HERC2: variants seen among roughly 807,000 people sequenced by gnomAD.
The protein encoded by HERC2 is E3 ubiquitin-protein ligase HERC2.
HERC2 carries 102 observed loss-of-function variants against 537.7 expected under a neutral mutation model. The observed-to-expected ratio is 0.19, with a 90% CI of 0.16 to 0.22. The LOEUF (loss-of-function observed/expected upper bound fraction) is 0.22. HERC2 is among the 10% of genes least tolerant of loss of function. The pLI, the probability that HERC2 is intolerant of heterozygous loss-of-function variation, is 1.00. For missense variants in HERC2, 4,236 were observed against 6,198.2 expected (o/e 0.68, Z 10.63); for synonymous variants, 2,224 against 2,466.2 (o/e 0.90, Z 2.91).
At chr15:28,264,096 A>G (rs1024655220) in intron 14 of HERC2, among the ~76,000 whole-genome samples, 7 of 152,110 alleles carry the variant, frequency 4.6e-5, no homozygotes, top group Admixed American at 2.0e-4. Context: ...AAAGATCAGG[A>G]AAAAGAAACC....
At chr15:28,241,803 GAGCA>G (rs1903154013) in intron 23 of HERC2, among the ~76,000 whole-genome samples, 1 of 152,156 alleles carries the variant, frequency 6.6e-6, no homozygotes, top group Non-Finnish European at 1.5e-5. Context: ...CTGGGCGACA[GAGCA>G]AGACTCTGTC....
chr15:28,274,663 C>T (rs1019181819), intron 6 of HERC2, among the ~76,000 whole-genome samples: 1 of 152,194 alleles, frequency 6.6e-6, no homozygotes, highest in South Asian at 2.1e-4. Context: ...AGTCTGTACT[C>T]AGGTGTTCCA....
At chr15:28,246,982 A>G in intron 21 of HERC2, 85 bp from the exon 22 acceptor site, 1 of 1,123,370 alleles carries the variant, frequency 8.9e-7, no homozygotes, top group Non-Finnish European at 1.3e-6. Context: ...TGCTATTCTC[A>G]TCTACACATC....
At chr15:28,275,358 G>A (rs370349654) in intron 5 of HERC2, among the ~76,000 whole-genome samples, 27 of 152,328 alleles carry the variant, frequency 1.8e-4, no homozygotes, top group Middle Eastern at 3.4e-3. Flanking sequence ...AGACCAGGCC[G>A]GAGAAGAGCT....
At chr15:28,147,422 A>G (rs1891866533) in intron 70 of HERC2, among the ~76,000 whole-genome samples, 1 of 152,082 alleles carries the variant, frequency 6.6e-6, no homozygotes, top group Non-Finnish European at 1.5e-5. Flanking sequence ...TGAGCTCAGG[A>G]GTTAAAGACA....
At position 28,279,615 on chromosome 15, in the gene HERC2, CCACACACACACACACACA is replaced by C. The variant is rs58447102; in HGVS notation, c.542+435_542+452del. Among the ~76,000 whole-genome samples the C allele has an allele frequency of 2.5e-4, 35 of 141,682 alleles. No homozygotes were observed. In the East Asian group the frequency reaches 3.3e-3, roughly 13 times the overall value. The allele number at this position is 141,682 out of a possible 152,430, so 92.9% of individuals were successfully genotyped here. ...TGAGGCCAGGAGCAAGACCCCATCT[CCACACACACACACACACA>C]CACACACACACACACACAAATTGTT... is the stretch of plus-strand genomic sequence containing the variant. On this transcript the variant is annotated intron_variant, in intron 5 of 92. Transcript: ENST00000261609.
Position 28,254,525 on chromosome 15 carries a change from T to A in HERC2, c.2872-7A>T, listed in dbSNP as rs746326041. The A allele has an allele frequency of 6.4e-7, 1 of 1,574,442 alleles. No individual in the cohort carries two copies. The highest frequency in any genetic ancestry group is 1.2e-5 in the South Asian group (1 of 85,394). ...CTTTTTTGGCTTCAATATCCTGTAA[T>A]TCATAAAAAGAAATTGTTTACAAGT... On this transcript the variant is annotated splice_region_variant and splice_polypyrimidine_tract_variant and intron_variant, in intron 19 of 92. Coordinates refer to ENST00000261609, the MANE Select transcript of HERC2 (RefSeq NM_004667.6).
At chr15:28,134,884 G>T (rs1330340994) in intron 79 of HERC2, among the ~76,000 whole-genome samples, 1 of 151,808 alleles carries the variant, frequency 6.6e-6, no homozygotes, top group Non-Finnish European at 1.5e-5. Context: ...TATTGCCCAG[G>T]CTAGTCTTGA....
rs529602580 is a variant in HERC2 at position 28,235,050 on chromosome 15, T to C, written c.4004-766A>G. ...GTTAATTACAACTGCTTATGGCAAC[T>C]TGAGGGAGTGCACCACTACAGATCT... is the stretch of plus-strand genomic sequence containing the variant. On this transcript the variant is annotated intron_variant, in intron 26 of 92. Transcript: ENST00000261609. Among the ~76,000 whole-genome samples, 77 of 152,196 alleles carry C rather than the reference T, an allele frequency of 5.1e-4. No individual in the cohort carries two copies. The East Asian group carries it at 0.01, about 21-fold the overall frequency.
chr15:28,222,716 A>G (rs1252859585), intron 35 of HERC2, among the ~76,000 whole-genome samples: 2 of 151,942 alleles, frequency 1.3e-5, no homozygotes, highest in Non-Finnish European at 2.9e-5. Flanking sequence ...TTCCCTAGGT[A>G]GTAGGTGTGG....
Position 28,113,754 on chromosome 15 carries a change from T to C in HERC2, c.13914-76A>G, listed in dbSNP as rs878952567. 2 of 1,207,276 alleles carry C rather than the reference T, an allele frequency of 1.7e-6. No individual in the cohort carries two copies. The highest frequency in any genetic ancestry group is 2.5e-5 in the South Asian group (2 of 78,946). The allele number at this position is 1,207,276 out of a possible 1,614,324, so 74.8% of individuals were successfully genotyped here. A position where few individuals can be genotyped will look rare whatever the true frequency, so the allele number is the denominator to read the frequency against. On this transcript the variant is annotated intron_variant, in intron 90 of 92. Transcript: ENST00000261609. This position sits in a 1 kb window ranked among gnomAD's most constrained non-coding sequence, Gnocchi z 7.0. ...ATGCTGCTCACACCAAGCCTTGGCA[T>C]GCAGCACTGTGGCCGCACACGTCCC...
chr15:28,253,945 G>A (rs866157125), intron 20 of HERC2, among the ~76,000 whole-genome samples: 4 of 151,402 alleles, frequency 2.6e-5, no homozygotes, highest in Middle Eastern at 7.0e-3. Flanking sequence ...CTGGGCAATA[G>A]AGCGAGATTC....
chr15:28,142,106 C>G (rs1176292000), intron 76 of HERC2, 132 bp downstream of exon 76: 13 of 947,400 alleles, frequency 1.4e-5, no homozygotes, highest in Non-Finnish European at 1.9e-5. Flanking sequence ...TCATTTTCAC[C>G]TATGTGTTAT....
At chr15:28,141,214 G>C (rs1365097476) in intron 78 of HERC2, among the ~76,000 whole-genome samples, 2 of 151,900 alleles carry the variant, frequency 1.3e-5, no homozygotes, top group African/African-American at 4.8e-5. Context: ...CTCCAGCCTG[G>C]GCAACAAGAG....
In HERC2 at chr15:28,148,029, T is replaced by A. The variant is rs865956707; in HGVS notation, c.10901-1685A>T. ...TTCAGCCTGGGTGACAGAGCAAGAC[T>A]GTGTCTCCAAAAAAAAAAAAAAGAA... On this transcript the variant is annotated intron_variant, in intron 70 of 92. Transcript: ENST00000261609. Among the ~76,000 whole-genome samples the A allele has an allele frequency of 2.0e-5, 3 of 146,978 alleles. No homozygotes were observed. The South Asian group carries it at 6.5e-4, about 32-fold the overall frequency.
intron 68 of HERC2, 90 bp downstream of exon 68, chr15:28,167,597 G>T: frequency 6.7e-7 from 1 of 1,484,342 alleles, no homozygotes. Flanking sequence ...GATAGGAATA[G>T]ACTGTGTTCC....
In HERC2 at chr15:28,134,547, G is replaced by A. The variant is rs554372262; in HGVS notation, c.12230+931C>T. Reference sequence around the variant, plus strand: ...CATCCTTGCCTTGATCCTCAACTCAGGGGGAAAGCTTTTGGTCTGTTGCCA... The same window carrying A: ...CATCCTTGCCTTGATCCTCAACTCAAGGGGAAAGCTTTTGGTCTGTTGCCA... On this transcript the variant is annotated intron_variant, in intron 79 of 92. Transcript: ENST00000261609. 8.5e-5 allele frequency among the ~76,000 whole-genome samples: 13 copies of A among 152,236 alleles called. 1 individual carries two copies. The Middle Eastern group carries it at 0.014, about 162-fold the overall frequency.
At chr15:28,151,709 G>C (rs1892471749) in intron 70 of HERC2, among the ~76,000 whole-genome samples, 1 of 150,964 alleles carries the variant, frequency 6.6e-6, no homozygotes, top group South Asian at 2.1e-4. Flanking sequence ...CTTCAACAAA[G>C]ATAATAACAA....
chr15:28,176,438 C>G lies in HERC2; in HGVS notation c.9676G>C (p.Val3226Leu). ...FSLALTKSGV[V>L]WTWGKGDYFR... ...AGGACGTTTACGTACCATGTCCACA[C>G]CACTCCAGACTTGGTGAGCGCCAGG... Residue 3226 changes from valine (V) to leucine (L), a missense_variant, in exon 63 of 93, where the codon GTG becomes CTG. Coordinates refer to ENST00000261609, the MANE Select transcript of HERC2 (RefSeq NM_004667.6). The surrounding 1 kb of genome is among the most constrained non-coding windows in gnomAD (Gnocchi z 5.0). 1 of 1,614,040 alleles carries G rather than the reference C, an allele frequency of 6.2e-7. No homozygotes were observed. Among genetic ancestry groups the G allele is most frequent in the South Asian group, 1.1e-5 (1 of 91,064 alleles).
Sources: gnomAD v4.1 joint callset for allele counts (sites outside exome capture counted in the v4.1 genomes callset) on GRCh38, gnomAD v4.1.1 for gene constraint, Gnocchi (gnomAD v3.1) non-coding constraint, MANE v1.5 for transcripts, NCBI Gene and HGNC (gene_info 2026-07-23, HGNC 2026-07-21) for gene names.